The following CAST variants were observed in gnomAD, a reference collection of about 807,000 sequenced individuals.
CAST encodes the protein calpastatin.
A neutral mutation model predicts 119.6 loss-of-function variants in CAST; 76 were observed. The observed-to-expected ratio is 0.64, with a 90% CI of 0.53 to 0.77. The LOEUF is 0.77. CAST is among the 30% of genes least tolerant of loss of function. The probability of loss-of-function intolerance (pLI) is 0.00; values close to 1 mark genes in which losing one functional copy is unlikely to be tolerated. For missense variants in CAST, 953 were observed against 946.5 expected, an observed-to-expected ratio of 1.01 and a Z score of -0.09; for synonymous variants, 319 against 331.6, an observed-to-expected ratio of 0.96 and a Z score of 0.41.
chr5:96,506,875 G>C, the CAST span, among the ~76,000 whole-genome samples: 4 of 152,168 alleles, frequency 2.6e-5, no homozygotes, highest in African/African-American at 9.7e-5. Context: ...AGCCTGGTGT[G>C]GGGAGGGCAG....
chr5:96,768,871 C>T (rs1308210210), intron 29 of CAST: 2 of 156,660 alleles, frequency 1.3e-5, no homozygotes, highest in Non-Finnish European at 2.8e-5. Context: ...CTTCCATGCC[C>T]TCCTTGCTCT....
At chr5:96,411,003 A>G in the CAST span, 1 of 1,561,508 alleles carries the variant, frequency 6.4e-7, no homozygotes, top group South Asian at 1.1e-5. Context: ...GAAAAGCCAG[A>G]ATGCATATTA....
In CAST at chr5:96,743,668, G is replaced by A. The variant is rs374842068; in HGVS notation, c.1200+912G>A. 27 of 1,613,220 alleles carry A rather than the reference G, an allele frequency of 1.7e-5. 1 individual carries two copies. Among genetic ancestry groups the A allele is most frequent in the South Asian group, 6.6e-5 (6 of 91,028 alleles). Reference sequence around the variant, plus strand: ...CTTCGACTTTCTTGGAGGGCTCACCGGCCACAGTGTGGCACGATAAGCTTT... The same window carrying A: ...CTTCGACTTTCTTGGAGGGCTCACCAGCCACAGTGTGGCACGATAAGCTTT... On this transcript the variant is annotated intron_variant, in intron 16 of 31. Coordinates refer to ENST00000675179, the MANE Select transcript of CAST (RefSeq NM_001750.7).
At chr5:96,365,044 A>G in the CAST span, among the ~76,000 whole-genome samples, 1 of 152,208 alleles carries the variant, frequency 6.6e-6, no homozygotes, top group East Asian at 1.9e-4. Flanking sequence ...CATTGGTTTC[A>G]AAGAACATCT....
At chr5:96,192,072 C>A in the CAST span, among the ~76,000 whole-genome samples, 2 of 151,892 alleles carry the variant, frequency 1.3e-5, no homozygotes, top group Non-Finnish European at 2.9e-5. Context: ...AGGGCCTTTA[C>A]GTAAATTATA....
chr5:96,182,905 G>A, the CAST span, among the ~76,000 whole-genome samples: 5 of 152,064 alleles, frequency 3.3e-5, no homozygotes, highest in Admixed American at 6.6e-5. Flanking sequence ...TTGGGAGGCC[G>A]AGGCGGGCGG....
At chr5:96,361,824 T>TC in the CAST span, among the ~76,000 whole-genome samples, 1 of 147,828 alleles carries the variant, frequency 6.8e-6, no homozygotes, top group African/African-American at 2.5e-5. Flanking sequence ...TTTTTTTTTT[T>TC]TGCTTCTTTT....
chr5:96,475,685 G>A, the CAST span, among the ~76,000 whole-genome samples: 11,126 of 152,186 alleles, frequency 0.073, 1,385 homozygotes, highest in African/African-American at 0.26. Context: ...TAACAAGCAG[G>A]GGGTCTGGAA....
the CAST span, among the ~76,000 whole-genome samples, chr5:96,476,848 C>T: frequency 2.6e-4 from 39 of 150,940 alleles, no homozygotes; most frequent in Non-Finnish European, 1.2e-4. Flanking sequence ...ATGCACTTCA[C>T]AGTCATCTCT....
At chr5:96,523,280 G>A (rs560713327), upstream of CAST, among the ~76,000 whole-genome samples, 43 of 152,324 alleles carry the variant, frequency 2.8e-4, no homozygotes, top group East Asian at 7.5e-3. Flanking sequence ...CTCTCCTCTT[G>A]CTCCCCATAG....
chr5:96,156,501 A>C, the CAST span, among the ~76,000 whole-genome samples: 1 of 152,158 alleles, frequency 6.6e-6, no homozygotes, highest in Non-Finnish European at 1.5e-5. Context: ...TATTTCTTCC[A>C]CCCAATTTAG....
At chr5:96,710,671 T>C (rs1020772657) in intron 3 of CAST, among the ~76,000 whole-genome samples, 1 of 152,180 alleles carries the variant, frequency 6.6e-6, no homozygotes, top group African/African-American at 2.4e-5. Flanking sequence ...ATTTTTAGCC[T>C]AAAATATTTA....
At chr5:96,295,101 AC>A in the CAST span, among the ~76,000 whole-genome samples, 1 of 152,230 alleles carries the variant, frequency 6.6e-6, no homozygotes, top group African/African-American at 2.4e-5. Flanking sequence ...AAGCAAACAA[AC>A]TAGTAGAAAT....
At chr5:96,399,817 CCACAGAGAA>C in the CAST span, 3 of 711,118 alleles carry the variant, frequency 4.2e-6, no homozygotes, top group South Asian at 4.9e-5. Context: ...CCATGGATAC[CCACAGAGAA>C]CACTAGAAAA....
chr5:96,750,665 C>T lies in CAST; in HGVS notation c.1507C>T (p.Pro503Ser), dbSNP rs746758589. The T allele has an allele frequency of 2.5e-6, 4 of 1,612,390 alleles. No homozygotes were observed. The highest frequency in any genetic ancestry group is 2.5e-6 in the Non-Finnish European group (3 of 1,178,696). Reference sequence around the variant, plus strand: ...CATGTGTAGTATACAGTCAGCACCCCCTGAGCCGGCTACCTTGGTGAGTGA... The same window carrying T: ...CATGTGTAGTATACAGTCAGCACCCTCTGAGCCGGCTACCTTGGTGAGTGA... ...TSMCSIQSAP[P>S]EPATLKGTVP... is the part of the protein sequence containing the mutation. The change falls in exon 20 of 32, where the codon CCT (proline) becomes TCT (serine). Residue 503 changes from proline to serine, a missense_variant. Physicochemically the swap from Pro to Ser is moderately conservative, Grantham distance 74. Transcript: ENST00000675179.
At chr5:96,059,146 A>C in the CAST span, among the ~76,000 whole-genome samples, 7 of 151,984 alleles carry the variant, frequency 4.6e-5, no homozygotes, top group Non-Finnish European at 8.8e-5. Flanking sequence ...GCAAAACTGC[A>C]CCTACCTTCC....
chr5:96,287,528 C>A, the CAST span, among the ~76,000 whole-genome samples: 1 of 152,060 alleles, frequency 6.6e-6, no homozygotes, highest in African/African-American at 2.4e-5. Context: ...TTGGGAAAAA[C>A]CAATAAGCAT....
the CAST span, among the ~76,000 whole-genome samples, chr5:96,091,708 G>A: frequency 6.6e-6 from 1 of 150,914 alleles, no homozygotes; most frequent in Non-Finnish European, 1.5e-5. Flanking sequence ...GTTTCATTAT[G>A]TTGCCAAGAC....
At chr5:96,618,993 C>T (rs1446409230) in intron 1 of CAST, among the ~76,000 whole-genome samples, 1 of 152,212 alleles carries the variant, frequency 6.6e-6, no homozygotes, top group Non-Finnish European at 1.5e-5. Context: ...AATCAGCACT[C>T]TGTATCTAGC....
Sources: gnomAD v4.1 joint callset for allele counts (sites outside exome capture counted in the v4.1 genomes callset) on GRCh38, gnomAD v4.1.1 for gene constraint, MANE v1.5 for transcripts, NCBI Gene and HGNC (gene_info 2026-07-23, HGNC 2026-07-21) for gene names.